Variants in ARID1A observed in about 807,000 individuals in gnomAD.
ARID1A encodes the protein AT-rich interactive domain-containing protein 1A.
A neutral mutation model predicts 212.6 loss-of-function variants in ARID1A; 20 were observed. The ratio of observed to expected loss-of-function variants is 0.09; its 90% CI spans 0.07 to 0.14. The LOEUF (loss-of-function observed/expected upper bound fraction) is 0.14, where lower values mean the gene tolerates loss of function less well. Among genes scored for constraint, ARID1A ranks in the 10% least tolerant of loss-of-function variants. The probability of loss-of-function intolerance (pLI) is 1.00; values close to 1 mark genes in which losing one functional copy is unlikely to be tolerated. For missense variants in ARID1A, 2,587 were observed against 3,059.0 expected (o/e 0.85, Z 3.64); for synonymous variants, 1,376 against 1,222.1 (o/e 1.13, Z -2.63).
rs996900661 is a variant in ARID1A at position 26,771,459 on chromosome 1, G to T, written c.3406+133G>T. On this transcript the variant is annotated intron_variant, in intron 12 of 19. Transcript: ENST00000324856. This position sits in a 1 kb window ranked among gnomAD's most constrained non-coding sequence, Gnocchi z 5.4. ...GTGCTCTGCCTTGCCCTACCACAGG[G>T]CTTAACAGGTTGGCTGACTAGAGAG... 12 of 996,010 alleles carry T rather than the reference G, an allele frequency of 1.2e-5. No homozygotes were observed. The highest frequency in any genetic ancestry group is 2.7e-5 in the Admixed American group (1 of 37,174). 61.7% of individuals were successfully genotyped at this position (996,010 alleles called of 1,614,324 possible). A position where few individuals can be genotyped will look rare whatever the true frequency, so the allele number is the denominator to read the frequency against.
intron 4 of ARID1A, among the ~76,000 whole-genome samples, chr1:26,742,122 A>G (rs2080793434): frequency 1.3e-5 from 2 of 152,358 alleles, no homozygotes; most frequent in South Asian, 4.1e-4. Flanking sequence ...CAGTAGAGGA[A>G]AGACATGGAC....
At chr1:26,755,810 C>T (rs2080929715) in intron 4 of ARID1A, among the ~76,000 whole-genome samples, 1 of 151,172 alleles carries the variant, frequency 6.6e-6, no homozygotes, top group South Asian at 2.1e-4. Flanking sequence ...GTGGTGCGAT[C>T]TCGGCTCACT....
chr1:26,738,711 A>G (rs2124799676), intron 4 of ARID1A, among the ~76,000 whole-genome samples: 1 of 151,442 alleles, frequency 6.6e-6, no homozygotes, highest in Admixed American at 6.6e-5. Context: ...GGTGTGCGCC[A>G]CCACTCCCGG....
rs367835531 is a variant in ARID1A at position 26,779,504 on chromosome 1, G to A, written c.5606G>A (p.Arg1869Gln). ...FESKTELLPS[R>Q]PHAPCPPAPR... ...AGCAAGACAGAGCTGCTGCCTTCCC[G>A]GCCTCACGCACCCTGCCCACCAGCC... is the stretch of plus-strand genomic sequence containing the variant. Residue 1869 changes from arginine to glutamine, a missense_variant, in exon 20 of 20, where the codon CGG (arginine) becomes CAG (glutamine). Physicochemically the swap from Arg to Gln is conservative, Grantham distance 43. Transcript: ENST00000324856. 2.4e-5 allele frequency: 38 copies of A among 1,613,902 alleles called. No homozygotes were observed. The highest frequency in any genetic ancestry group is 3.1e-5 in the Non-Finnish European group (36 of 1,180,034).
chr1:26,715,657 A>T (rs2080495754), intron 1 of ARID1A, among the ~76,000 whole-genome samples: 1 of 152,198 alleles, frequency 6.6e-6, no homozygotes, highest in Non-Finnish European at 1.5e-5. Flanking sequence ...TTAGGATAAG[A>T]ACTTTTTAAA....
rs2124143335 is a variant in ARID1A at position 26,779,742 on chromosome 1, C to T, written c.5844C>T (p.Ser1948=). ...KFPFGISPAQ[S]HRNIKILEDE... ...CATTTGGCATTAGCCCAGCACAGAG[C>T]CACCGGAACATCAAGATCCTAGAGG... Residue 1948 remains serine, a synonymous_variant, in exon 20 of 20, where the codon AGC becomes AGT. Coordinates refer to ENST00000324856, the MANE Select transcript of ARID1A (RefSeq NM_006015.6). 1 of 1,614,130 alleles carries T rather than the reference C, an allele frequency of 6.2e-7. No individual in the cohort carries two copies. Among genetic ancestry groups the T allele is most frequent in the South Asian group, 1.1e-5 (1 of 91,074 alleles).
chr1:26,733,995 T>C (rs1017195705), intron 4 of ARID1A, among the ~76,000 whole-genome samples: 1 of 152,212 alleles, frequency 6.6e-6, no homozygotes, highest in African/African-American at 2.4e-5. Flanking sequence ...GTGTTCAGGC[T>C]TCTGAGGCCA....
Position 26,702,947 on chromosome 1 carries a change from G to A in ARID1A, c.1137+5407G>A, listed in dbSNP as rs192581077. 7.9e-4 allele frequency among the ~76,000 whole-genome samples: 120 copies of A among 152,256 alleles called. 1 individual carries two copies. In the Middle Eastern group the frequency reaches 0.01, roughly 13 times the overall value. On this transcript the variant is annotated intron_variant, in intron 1 of 19. Transcript: ENST00000324856. ...CTTATGAGACTTTGAGGTTTAAAGG[G>A]TAGCTTGGTGAGATTATTTTTGGCT...
At chr1:26,716,199 G>A (rs977055581) in intron 1 of ARID1A, among the ~76,000 whole-genome samples, 3 of 132,916 alleles carry the variant, frequency 2.3e-5, no homozygotes, top group African/African-American at 5.7e-5. Flanking sequence ...GCGAGATTCC[G>A]TCTCAAAAAA....
intron 1 of ARID1A, among the ~76,000 whole-genome samples, chr1:26,712,994 C>CT (rs1349644587): frequency 1.3e-5 from 2 of 152,244 alleles, no homozygotes; most frequent in Non-Finnish European, 2.9e-5. Flanking sequence ...TACCAGGCCT[C>CT]TTTTTCCTCC....
chr1:26,696,340 GGT>G lies in ARID1A; in HGVS notation c.-62_-61del. On this transcript the variant is annotated 5_prime_UTR_variant, in exon 1 of 20. Transcript: ENST00000324856. ...CCCGGGGGACTGGGCCCCGGGGCGG[GGT>G]GGGAGGGGGGGAGAAGACGAAGACA... 1 of 1,209,574 alleles carries G rather than the reference GGT, an allele frequency of 8.3e-7. No homozygotes were observed. Among genetic ancestry groups the G allele is most frequent in the Non-Finnish European group, 1.0e-6 (1 of 973,116 alleles). 74.9% of individuals were successfully genotyped at this position (1,209,574 alleles called of 1,614,324 possible). A position where few individuals can be genotyped will look rare whatever the true frequency, so the allele number is the denominator to read the frequency against.
rs756036006 is a variant in ARID1A at position 26,772,970 on chromosome 1, A to ATGG, written c.3699_3701dup (p.Gly1234dup). The ATGG allele has an allele frequency of 6.2e-7, 1 of 1,610,808 alleles. No homozygotes were observed. The highest frequency in any genetic ancestry group is 2.2e-5 in the East Asian group (1 of 44,800). ...TCCTATGAGCCAAATAAGGATCCTT[A>ATGG]TGGCAGCATGAGGAAAGGTGACTGA... On this transcript the variant is annotated inframe_insertion, in exon 14 of 20. Transcript: ENST00000324856.
chr1:26,698,199 T>C (rs183624408), intron 1 of ARID1A, among the ~76,000 whole-genome samples: 16 of 152,350 alleles, frequency 1.1e-4, no homozygotes, highest in Admixed American at 9.1e-4. Flanking sequence ...TTGCTTTGGT[T>C]TGGGATTTGA....
At chr1:26,698,786 C>CT (rs2080304292) in intron 1 of ARID1A, among the ~76,000 whole-genome samples, 1 of 152,150 alleles carries the variant, frequency 6.6e-6, no homozygotes, top group Non-Finnish European at 1.5e-5. Flanking sequence ...TTTTACTGGG[C>CT]TTTTTATTGA....
At chr1:26,776,279 CT>C (rs748452521) in intron 19 of ARID1A, among the ~76,000 whole-genome samples, 471 of 136,136 alleles carry the variant, frequency 3.5e-3, no homozygotes, top group Middle Eastern at 3.8e-3. Flanking sequence ...TAACAATATT[CT>C]TTTTTTTTTT....
intron 1 of ARID1A, among the ~76,000 whole-genome samples, chr1:26,726,679 A>G (rs1043296733): frequency 3.9e-5 from 6 of 152,110 alleles, no homozygotes; most frequent in African/African-American, 1.4e-4. Flanking sequence ...TTGGAATAGG[A>G]CAGCATTGCA....
chr1:26,696,120 G>GT lies in ARID1A; in HGVS notation c.-284_-283insT, dbSNP rs1230152679. Reference sequence around the variant, plus strand: ...TCCCAGGCAAGGGCTTGGGGGGAATGAGCCGGGAGAGCCGGGTCCCGAGCC... The same window carrying GT: ...TCCCAGGCAAGGGCTTGGGGGGAATGTAGCCGGGAGAGCCGGGTCCCGAGCC... On this transcript the variant is annotated 5_prime_UTR_variant, in exon 1 of 20. An upstream open reading frame in the 5' UTR gains an earlier in-frame stop. Transcript: ENST00000324856. 1 of 451,680 alleles carries GT rather than the reference G, an allele frequency of 2.2e-6. No individual in the cohort carries two copies. 28.0% of individuals were successfully genotyped at this position (451,680 alleles called of 1,614,324 possible).
rs748748434 is a variant in ARID1A, at chr1:26,775,123, C to T, written c.4896C>T (p.Pro1632=). ...ACATAGCACCTGCCCCTGTGCAGCC[C>T]CCCATGATTCGGCGGGATATCACCT... The part of the protein sequence containing the change: ...ASHIAPAPVQ[P]PMIRRDITFP... The change falls in exon 18 of 20, where the codon CCC becomes CCT. Residue 1632 remains proline, a synonymous_variant. Transcript: ENST00000324856. The T allele has an allele frequency of 6.2e-7, 1 of 1,614,086 alleles. No homozygotes were observed. Among genetic ancestry groups the T allele is most frequent in the South Asian group, 1.1e-5 (1 of 91,064 alleles).
rs2124742834 is a variant in ARID1A, at chr1:26,697,042, C to A, written c.639C>A (p.Asn213Lys). ...ACGGCTTCCCCAACCACCAGTACAA[C>A]TCCTACTACCCCAACCGCAGCGCCT... Reference protein sequence around the residue: ...HDHGFPNHQYNSYYPNRSAYP... With the variant: ...HDHGFPNHQYKSYYPNRSAYP... The change falls in exon 1 of 20, where the codon AAC becomes AAA. Residue 213 changes from asparagine (N) to lysine (K), a missense_variant. Coordinates refer to ENST00000324856, the MANE Select transcript of ARID1A (RefSeq NM_006015.6). 6.5e-7 allele frequency: 1 copy of A among 1,539,640 alleles called. No individual in the cohort carries two copies. Among genetic ancestry groups the A allele is most frequent in the Non-Finnish European group, 8.7e-7 (1 of 1,147,138 alleles).
Sources: gnomAD v4.1 joint callset for allele counts (sites outside exome capture counted in the v4.1 genomes callset) on GRCh38, gnomAD v4.1.1 for gene constraint, Gnocchi (gnomAD v3.1) non-coding constraint, MANE v1.5 for transcripts, NCBI Gene and HGNC (gene_info 2026-07-23, HGNC 2026-07-21) for gene names.